The following SHROOM3 variants were observed in gnomAD, a reference collection of about 807,000 sequenced individuals.
SHROOM3 encodes protein Shroom3.
Under a neutral mutation model 138.6 loss-of-function variants are expected in SHROOM3, and 47 were observed. The observed-to-expected ratio is 0.34, with a 90% CI of 0.27 to 0.43. SHROOM3 has a LOEUF of 0.43. Ranked by LOEUF, SHROOM3 falls within the 20% of genes least tolerant of loss-of-function variation. The pLI, the probability that SHROOM3 is intolerant of heterozygous loss-of-function variation, is 1.00. For missense variants in SHROOM3, 2,491 were observed against 2,596.5 expected (o/e 0.96, Z 0.88); for synonymous variants, 1,062 against 1,063.3 (o/e 1.00, Z 0.02).
intron 2 of SHROOM3, among the ~76,000 whole-genome samples, chr4:76,624,617 G>A (rs925573336): frequency 2.0e-5 from 3 of 152,102 alleles, no homozygotes; most frequent in African/African-American, 4.8e-5. Flanking sequence ...TCTCTGTTAC[G>A]TTTTTAAAAA....
At chr4:76,596,501 G>A (rs539811997) in intron 2 of SHROOM3, among the ~76,000 whole-genome samples, 1 of 151,520 alleles carries the variant, frequency 6.6e-6, no homozygotes, top group East Asian at 2.0e-4. Flanking sequence ...GCCTAATCAG[G>A]CATTTCTGGT....
intron 2 of SHROOM3, among the ~76,000 whole-genome samples, chr4:76,573,375 G>A (rs1386094114): frequency 7.4e-6 from 1 of 134,854 alleles, no homozygotes; most frequent in Non-Finnish European, 1.5e-5. Flanking sequence ...CACTTCTGCT[G>A]GTTGGCAATA....
chr4:76,499,360 A>T (rs568388049), intron 1 of SHROOM3, among the ~76,000 whole-genome samples: 1 of 152,368 alleles, frequency 6.6e-6, no homozygotes, highest in South Asian at 2.1e-4. Context: ...GGCACAAAGT[A>T]GATAGTTAAT....
intron 1 of SHROOM3, among the ~76,000 whole-genome samples, chr4:76,552,030 T>C (rs1179354810): frequency 8.4e-6 from 1 of 119,484 alleles, no homozygotes; most frequent in African/African-American, 3.4e-5. Context: ...CCCGGCTAAT[T>C]TTTTGTATCT....
At chr4:76,482,300 A>G (rs534954735) in intron 1 of SHROOM3, among the ~76,000 whole-genome samples, 12 of 152,342 alleles carry the variant, frequency 7.9e-5, no homozygotes, top group Admixed American at 7.8e-4. Context: ...AAGCAACTTC[A>G]GCAAAGTCCC....
At chr4:76,566,809 C>T (rs1304571022) in intron 2 of SHROOM3, among the ~76,000 whole-genome samples, 3 of 152,298 alleles carry the variant, frequency 2.0e-5, no homozygotes, top group African/African-American at 4.8e-5. Context: ...AGATGGCTAC[C>T]TCAAATATGT....
intron 5 of SHROOM3, among the ~76,000 whole-genome samples, chr4:76,746,424 G>A (rs1721437244): frequency 6.6e-6 from 1 of 152,122 alleles, no homozygotes. Context: ...ACAGTATTCA[G>A]CACAGTAATA....
At chr4:76,661,772 A>T (rs1736193730) in intron 2 of SHROOM3, among the ~76,000 whole-genome samples, 1 of 152,142 alleles carries the variant, frequency 6.6e-6, no homozygotes, top group Admixed American at 6.5e-5. Context: ...TTGTTTATCC[A>T]TTCTCCTACT....
intron 1 of SHROOM3, among the ~76,000 whole-genome samples, chr4:76,552,367 C>A (rs1733383666): frequency 2.0e-5 from 3 of 150,720 alleles, no homozygotes; most frequent in Admixed American, 2.0e-4. Context: ...ATTAGCCAGA[C>A]CTGTTGGCAC....
At chr4:76,596,365 T>A (rs1734384335) in intron 2 of SHROOM3, among the ~76,000 whole-genome samples, 1 of 152,046 alleles carries the variant, frequency 6.6e-6, no homozygotes, top group African/African-American at 2.4e-5. Context: ...TGAGCTGTGA[T>A]CACACCACCG....
At position 76,498,529 on chromosome 4, in the gene SHROOM3, G is replaced by C. The variant is rs567016548; in HGVS notation, c.169-57080G>C. ...TTTCTTTCTTTGTGAATCACAAACA[G>C]AGTTTAGAAGTGGTATGTTTTCATT... On this transcript the variant is annotated intron_variant, in intron 1 of 10. Transcript: ENST00000296043. 5.1e-4 allele frequency among the ~76,000 whole-genome samples: 77 copies of C among 152,186 alleles called. 1 individual carries two copies. The highest frequency in any genetic ancestry group is 1.5e-3 in the Admixed American group (23 of 15,298).
At chr4:76,655,338 GGTATAGCAAATACTT>G (rs1271622516) in intron 2 of SHROOM3, among the ~76,000 whole-genome samples, 1 of 152,092 alleles carries the variant, frequency 6.6e-6, no homozygotes, top group Non-Finnish European at 1.5e-5. Flanking sequence ...TAAGGACACA[GGTATAGCAAATACTT>G]GTTAAATGAT....
In SHROOM3 at chr4:76,754,954, G is replaced by C. The variant is rs1721755578; in HGVS notation, c.4471G>C (p.Glu1491Gln). 1.9e-6 allele frequency: 3 copies of C among 1,614,064 alleles called. No homozygotes were observed. The highest frequency in any genetic ancestry group is 1.7e-5 in the Admixed American group (1 of 60,012). ...AGGGAGGATCTCCCTCCGAATATCT[G>C]AGTCTGTCCTGCGGGACTCCCCGCC... is the stretch of plus-strand genomic sequence containing the variant. Reference protein sequence around the residue: ...TPGRISLRISESVLRDSPPPH... With the variant: ...TPGRISLRISQSVLRDSPPPH... Residue 1491 changes from glutamate (E) to glutamine (Q), a missense_variant, in exon 7 of 11, where the codon GAG becomes CAG. Around this residue, in one of 4 missense-constraint regions of SHROOM3, gnomAD observed 1,733 missense variants for 1,661.6 expected, o/e 1.04. Transcript: ENST00000296043.
At chr4:76,734,634 C>G (rs1160368007) in intron 4 of SHROOM3, among the ~76,000 whole-genome samples, 1 of 151,962 alleles carries the variant, frequency 6.6e-6, no homozygotes, top group African/African-American at 2.4e-5. Context: ...CCTCAGCCTC[C>G]CAAAGTGCTG....
At chr4:76,575,934 T>C (rs990957048) in intron 2 of SHROOM3, among the ~76,000 whole-genome samples, 6 of 152,072 alleles carry the variant, frequency 3.9e-5, no homozygotes, top group Non-Finnish European at 8.8e-5. Flanking sequence ...AAATCTAAAC[T>C]ACAATGAGAT....
chr4:76,496,976 A>G (rs564580724), intron 1 of SHROOM3, among the ~76,000 whole-genome samples: 1 of 152,366 alleles, frequency 6.6e-6, no homozygotes, highest in South Asian at 2.1e-4. Flanking sequence ...TATAAGGATA[A>G]GGCTGTCTGT....
Position 76,721,952 on chromosome 4 carries a change from T to C in SHROOM3, c.456-8852T>C, listed in dbSNP as rs1720565522. Among the ~76,000 whole-genome samples, 2 of 152,158 alleles carry C rather than the reference T, an allele frequency of 1.3e-5. 1 individual carries two copies. The highest frequency in any genetic ancestry group is 1.3e-4 in the Admixed American group (2 of 15,280). On this transcript the variant is annotated intron_variant, in intron 3 of 10. Transcript: ENST00000296043. Reference sequence around the variant, plus strand: ...ATGCATACATGGTTATTTATATTAATCCAGATACATTTATATATGTTTAAA... The same window carrying C: ...ATGCATACATGGTTATTTATATTAACCCAGATACATTTATATATGTTTAAA...
At chr4:76,437,266 T>G (rs1338194665) in intron 1 of SHROOM3, among the ~76,000 whole-genome samples, 1 of 146,472 alleles carries the variant, frequency 6.8e-6, no homozygotes, top group Non-Finnish European at 1.5e-5. Flanking sequence ...AACAAAAGGA[T>G]GTGCATATGT....
In SHROOM3 at chr4:76,741,778, G is replaced by A; in HGVS notation, c.3605G>A (p.Gly1202Glu). The A allele has an allele frequency of 6.3e-7, 1 of 1,575,302 alleles. No individual in the cohort carries two copies. Among genetic ancestry groups the A allele is most frequent in the Non-Finnish European group, 8.6e-7 (1 of 1,160,920 alleles). ...GGTGGAACAAGGGGCACCCAGAGAG[G>A]GGATGAGACCCCCAGGGAGCCATCC... is the stretch of plus-strand genomic sequence containing the variant. The part of the protein sequence containing the change: ...ANGGTRGTQR[G>E]DETPREPSSW... Residue 1202 changes from glycine (G) to glutamate (E), a missense_variant, in exon 5 of 11, where the codon GGG becomes GAG. Physicochemically the swap from Gly to Glu is moderately conservative, Grantham distance 98. This residue lies in a region of SHROOM3 where 1,733 missense variants were observed against 1,661.6 expected (regional missense o/e 1.04). Coordinates refer to ENST00000296043, the MANE Select transcript of SHROOM3 (RefSeq NM_020859.4). This position sits in a 1 kb window ranked among gnomAD's most constrained non-coding sequence, Gnocchi z 6.2.
Sources: gnomAD v4.1 joint callset for allele counts (sites outside exome capture counted in the v4.1 genomes callset) on GRCh38, gnomAD v4.1.1 for gene constraint, gnomAD v4.1.1 regional missense constraint, Gnocchi (gnomAD v3.1) non-coding constraint, MANE v1.5 for transcripts, NCBI Gene and HGNC (gene_info 2026-07-23, HGNC 2026-07-21) for gene names.